SYNPO: variants seen among roughly 807,000 people sequenced by gnomAD.
The protein encoded by SYNPO is synaptopodin.
In SYNPO, 19 loss-of-function variants were observed where a neutral mutation model predicts 49.5. That is an observed-to-expected ratio of 0.38 (90% CI 0.27 to 0.56). The LOEUF (loss-of-function observed/expected upper bound fraction) is 0.56, where lower values mean the gene tolerates loss of function less well. Ranked by LOEUF, SYNPO falls within the 20% of genes least tolerant of loss-of-function variation. The pLI is 0.68. For missense variants in SYNPO, 1,131 were observed against 1,248.3 expected, an observed-to-expected ratio of 0.91 and a Z score of 1.42; for synonymous variants, 536 against 548.0, an observed-to-expected ratio of 0.98 and a Z score of 0.31.
intron 2 of SYNPO, among the ~76,000 whole-genome samples, chr5:150,628,810 A>C (rs577806052): frequency 5.3e-5 from 8 of 152,348 alleles, no homozygotes; most frequent in African/African-American, 1.9e-4. Context: ...CAGAAGGCTG[A>C]GGCAGGAGAC....
intron 2 of SYNPO, 121 bp from the exon 3 acceptor site, chr5:150,656,283 A>G: frequency 1.3e-6 from 1 of 790,204 alleles, no homozygotes; most frequent in Non-Finnish European, 1.9e-6. Context: ...GCACTACCTG[A>G]CTTGGATCGG....
At chr5:150,624,973 C>T in intron 2 of SYNPO, 2 of 985,436 alleles carry the variant, frequency 2.0e-6, no homozygotes, top group Non-Finnish European at 1.2e-6. Flanking sequence ...TTCCCACCTG[C>T]GCTATTCCCG....
At chr5:150,602,204 G>A (rs968122897) in intron 1 of SYNPO, among the ~76,000 whole-genome samples, 1 of 152,194 alleles carries the variant, frequency 6.6e-6, no homozygotes, top group African/African-American at 2.4e-5. Context: ...TCTCCTTAAG[G>A]AATGAGCCTT....
At chr5:150,654,618 GC>G (rs1045186844) in intron 2 of SYNPO, among the ~76,000 whole-genome samples, 6 of 152,096 alleles carry the variant, frequency 3.9e-5, no homozygotes. Context: ...CACCATCTTG[GC>G]CTCTCCAAAA....
rs775059665 is a variant in SYNPO, at chr5:150,649,602, G to T, written c.1327G>T (p.Ala443Ser). 1 of 1,609,474 alleles carries T rather than the reference G, an allele frequency of 6.2e-7. No homozygotes were observed. Among genetic ancestry groups the T allele is most frequent in the Non-Finnish European group, 8.5e-7 (1 of 1,179,014 alleles). ...EPAPRDRASP[A>S]AAEEVVPEWA... ...AGCACCTCGTGACAGGGCCAGCCCC[G>T]CGGCGGCGGAGGAGGTGGTACCAGA... Residue 443 changes from alanine (A) to serine (S), a missense_variant, in exon 2 of 3, where the codon GCG becomes TCG. This residue lies in a region of SYNPO where 602 missense variants were observed against 720.7 expected (regional missense o/e 0.84). Transcript: ENST00000307662.
the SYNPO span, among the ~76,000 whole-genome samples, chr5:150,588,130 A>C: frequency 6.6e-6 from 1 of 152,220 alleles, no homozygotes; most frequent in African/African-American, 2.4e-5. Context: ...TCCATATTCC[A>C]TAGAGGATAG....
In SYNPO at chr5:150,657,547, A is replaced by T. The variant is rs1758623689; in HGVS notation, c.*460A>T. On this transcript the variant is annotated 3_prime_UTR_variant, in exon 3 of 3. Coordinates refer to ENST00000307662, the MANE Select transcript of SYNPO (RefSeq NM_007286.6). ...CTGGACTTGCTACCTTCAGGGTTCC[A>T]TACTCGTCCCTCCCCTCCTGGCTCT... 1 of 160,440 alleles carries T rather than the reference A, an allele frequency of 6.2e-6. No individual in the cohort carries two copies. Among genetic ancestry groups the T allele is most frequent in the Non-Finnish European group, 1.4e-5 (1 of 72,928 alleles). 9.9% of individuals were successfully genotyped at this position (160,440 alleles called of 1,614,324 possible).
upstream of SYNPO, among the ~76,000 whole-genome samples, chr5:150,600,764 G>C (rs914931185): frequency 6.6e-6 from 1 of 152,136 alleles, no homozygotes; most frequent in South Asian, 2.1e-4. Flanking sequence ...CCAGCCTAAG[G>C]TTTTGGAAAC....
chr5:150,622,585 G>A (rs1336916723), intron 2 of SYNPO, among the ~76,000 whole-genome samples: 1 of 152,198 alleles, frequency 6.6e-6, no homozygotes, highest in Non-Finnish European at 1.5e-5. Context: ...GAGCCTCTGG[G>A]GTGGGGAGGG....
In SYNPO at chr5:150,649,672, A is replaced by T; in HGVS notation, c.1397A>T (p.Lys466Met). Residue 466 changes from lysine to methionine, a missense_variant, in exon 2 of 3, where the codon AAG becomes ATG. This residue lies in a region of SYNPO where 602 missense variants were observed against 720.7 expected (regional missense o/e 0.84). Transcript: ENST00000307662. Reference protein sequence around the residue: ...LKSPRIQAKPKPKPNQNLSEA... With the variant: ...LKSPRIQAKPMPKPNQNLSEA... ...TCACCCCGCATCCAGGCCAAGCCGA[A>T]GCCCAAACCCAACCAGAACCTCTCC... The T allele has an allele frequency of 6.2e-7, 1 of 1,610,974 alleles. No homozygotes were observed. The highest frequency in any genetic ancestry group is 1.1e-5 in the South Asian group (1 of 91,082).
At chr5:150,619,670 C>T (rs532870405) in intron 2 of SYNPO, among the ~76,000 whole-genome samples, 3 of 152,062 alleles carry the variant, frequency 2.0e-5, no homozygotes, top group East Asian at 3.9e-4. Context: ...CAGTAGATCC[C>T]GGGGGTGCAG....
At chr5:150,644,374 C>T (rs1230826521) in intron 1 of SYNPO, among the ~76,000 whole-genome samples, 6 of 152,158 alleles carry the variant, frequency 3.9e-5, no homozygotes, top group East Asian at 1.9e-4. Context: ...TCTGAGATTC[C>T]GAGGTTCTGT....
At chr5:150,609,364 G>A (rs1295427417) in intron 1 of SYNPO, among the ~76,000 whole-genome samples, 3 of 151,998 alleles carry the variant, frequency 2.0e-5, no homozygotes, top group Admixed American at 6.5e-5. Flanking sequence ...GCTCTATCTC[G>A]GCTCACTGCA....
intron 2 of SYNPO, among the ~76,000 whole-genome samples, chr5:150,619,373 G>T (rs1309320504): frequency 6.6e-6 from 1 of 152,174 alleles, no homozygotes; most frequent in Non-Finnish European, 1.5e-5. Flanking sequence ...CCTCGCCTAG[G>T]CCTTGGTTTT....
chr5:150,592,284 C>T, the SYNPO span, among the ~76,000 whole-genome samples: 1 of 151,816 alleles, frequency 6.6e-6, no homozygotes, highest in Non-Finnish European at 1.5e-5. Context: ...TTGCGGAGGC[C>T]CTACTTACCC....
chr5:150,596,687 G>A (rs902494392), upstream of SYNPO, among the ~76,000 whole-genome samples: 6 of 152,070 alleles, frequency 3.9e-5, no homozygotes, highest in Non-Finnish European at 7.4e-5. Flanking sequence ...CCCTCCCACA[G>A]CCCAGGGTAC....
At chr5:150,586,627 C>G in the SYNPO span, among the ~76,000 whole-genome samples, 1 of 149,322 alleles carries the variant, frequency 6.7e-6, no homozygotes, top group Admixed American at 6.6e-5. Flanking sequence ...CTGGGCAGAA[C>G]TTTGGTTTGT....
At chr5:150,654,839 T>C (rs924174296) in intron 2 of SYNPO, among the ~76,000 whole-genome samples, 3 of 152,130 alleles carry the variant, frequency 2.0e-5, no homozygotes, top group African/African-American at 7.2e-5. Context: ...ACTTTAATAA[T>C]AGTCGGCCAG....
intron 2 of SYNPO, 140 bp from the exon 3 acceptor site, chr5:150,656,264 T>C: frequency 1.5e-6 from 1 of 661,750 alleles, no homozygotes; most frequent in South Asian, 2.1e-5. Flanking sequence ...CGCCTGCGTT[T>C]TATTGCAGGC....
Sources: allele counts gnomAD v4.1 joint callset (sites outside exome capture counted in the v4.1 genomes callset), GRCh38; gene constraint gnomAD v4.1.1; regional missense constraint gnomAD v4.1.1; transcripts MANE v1.5; gene names NCBI Gene and HGNC (gene_info 2026-07-23, HGNC 2026-07-21).